Variants in FAM135B observed in about 807,000 individuals in gnomAD.
FAM135B encodes family with sequence similarity 135 member B.
In FAM135B, 43 loss-of-function variants were observed where a neutral mutation model predicts 127.7. That is an observed-to-expected ratio of 0.34 (90% CI 0.26 to 0.43). The LOEUF is 0.43. FAM135B is among the 20% of genes least tolerant of loss of function. FAM135B has a pLI of 1.00. For missense variants in FAM135B, 1,558 were observed against 1,725.6 expected (o/e 0.90, Z 1.72); for synonymous variants, 670 against 665.1 (o/e 1.01, Z -0.11).
rs577707015 is a variant in FAM135B, at chr8:138,444,057, C to A, written c.-20+52614G>T. On this transcript the variant is annotated intron_variant, in intron 1 of 19. Transcript: ENST00000395297. ...ACAAAGATCAAAGAGACAAAGAAGGCCATTACATAATGGTAAAGGGATCAA... is the reference window on the plus strand; with the variant it reads ...ACAAAGATCAAAGAGACAAAGAAGGACATTACATAATGGTAAAGGGATCAA... 2.0e-5 allele frequency among the ~76,000 whole-genome samples: 3 copies of A among 152,124 alleles called. No individual in the cohort carries two copies. The South Asian group carries it at 6.2e-4, about 32-fold the overall frequency.
chr8:138,241,661 G>A lies in FAM135B; in HGVS notation c.669+1281C>T, dbSNP rs1270777891. On this transcript the variant is annotated intron_variant, in intron 7 of 19. Coordinates refer to ENST00000395297, the MANE Select transcript of FAM135B (RefSeq NM_015912.4). This position sits in a 1 kb window ranked among gnomAD's most constrained non-coding sequence, Gnocchi z 4.8. ...GAGGATAGAACACCTCTTTTGCGGG[G>A]CTGACTGGGCATGGACAGTTTATCA... Among the ~76,000 whole-genome samples, 1 of 152,158 alleles carries A rather than the reference G, an allele frequency of 6.6e-6. No individual in the cohort carries two copies. Among genetic ancestry groups the A allele is most frequent in the Non-Finnish European group, 1.5e-5 (1 of 68,020 alleles).
At chr8:138,398,251 A>G (rs1246668930) in intron 1 of FAM135B, among the ~76,000 whole-genome samples, 1 of 152,198 alleles carries the variant, frequency 6.6e-6, no homozygotes, top group Non-Finnish European at 1.5e-5. Context: ...TGACCCCCAG[A>G]GGGGCTCATT....
intron 1 of FAM135B, among the ~76,000 whole-genome samples, chr8:138,397,344 C>G (rs781653359): frequency 6.6e-6 from 1 of 152,152 alleles, no homozygotes; most frequent in Non-Finnish European, 1.5e-5. Context: ...TGGGTAAGCC[C>G]AGGGCCATGG....
rs1166235927 is a variant in FAM135B at position 138,142,285 on chromosome 8, C to CTTTTTTTTTTTTTTTTTTTTT, written c.3638+726_3638+727insAAAAAAAAAAAAAAAAAAAAA. ...TTGGGGTGGGCAACTCATTCTGCTT[C>CTTTTTTTTTTTTTTTTTTTTT]TTCTTTTTTTTTTTTTTTTTTTTTT... On this transcript the variant is annotated intron_variant, in intron 16 of 19. Coordinates refer to ENST00000395297, the MANE Select transcript of FAM135B (RefSeq NM_015912.4). Among the ~76,000 whole-genome samples the CTTTTTTTTTTTTTTTTTTTTT allele has an allele frequency of 3.0e-5, 3 of 99,934 alleles. 1 individual carries two copies. Among genetic ancestry groups the CTTTTTTTTTTTTTTTTTTTTT allele is most frequent in the South Asian group, 7.3e-4 (2 of 2,756 alleles). 65.6% of individuals were successfully genotyped at this position (99,934 alleles called of 152,430 possible).
intron 3 of FAM135B, among the ~76,000 whole-genome samples, chr8:138,307,340 G>A (rs529903466): frequency 3.1e-4 from 47 of 152,216 alleles, no homozygotes; most frequent in Admixed American, 5.2e-4. Context: ...TTCCCCACCC[G>A]TGCAGAACTA....
intron 1 of FAM135B, among the ~76,000 whole-genome samples, chr8:138,482,905 C>T (rs1814840782): frequency 6.6e-6 from 1 of 152,088 alleles, no homozygotes; most frequent in Non-Finnish European, 1.5e-5. Context: ...ACTATTTTAG[C>T]TTCCATCCAC....
intron 1 of FAM135B, among the ~76,000 whole-genome samples, chr8:138,449,520 C>T (rs1167685969): frequency 6.6e-6 from 1 of 152,100 alleles, no homozygotes; most frequent in African/African-American, 2.4e-5. Context: ...GGGTGGTCAT[C>T]TAAGTGGAAA....
intron 12 of FAM135B, among the ~76,000 whole-genome samples, chr8:138,156,813 C>T (rs1159315020): frequency 6.6e-6 from 1 of 152,102 alleles, no homozygotes; most frequent in Non-Finnish European, 1.5e-5. Context: ...TAATAGCCTA[C>T]CAACCAAAAA....
chr8:138,293,378 T>C lies in FAM135B; in HGVS notation c.157+17463A>G, dbSNP rs190365732. On this transcript the variant is annotated intron_variant, in intron 3 of 19. Coordinates refer to ENST00000395297, the MANE Select transcript of FAM135B (RefSeq NM_015912.4). ...TGACAAAGAACCCAAACACAAATGT[T>C]ACAAAAACAAAGATAAATAGATGAG... Among the ~76,000 whole-genome samples the C allele has an allele frequency of 6.4e-3, 973 of 152,006 alleles. 9 individuals carry two copies. The highest frequency in any genetic ancestry group is 0.021 in the South Asian group (103 of 4,812).
At chr8:138,205,040 T>G (rs1817449951) in intron 7 of FAM135B, among the ~76,000 whole-genome samples, 1 of 152,230 alleles carries the variant, frequency 6.6e-6, no homozygotes, top group Admixed American at 6.5e-5. Flanking sequence ...CCTGGATTCC[T>G]CTTCTTGGTG....
At chr8:138,173,261 T>C (rs560674520) in intron 11 of FAM135B, among the ~76,000 whole-genome samples, 3 of 152,302 alleles carry the variant, frequency 2.0e-5, no homozygotes, top group Admixed American at 6.5e-5. Flanking sequence ...TAACCCTGAC[T>C]CCAGGAATAC....
chr8:138,228,052 T>C (rs546897618), intron 7 of FAM135B, among the ~76,000 whole-genome samples: 1 of 152,322 alleles, frequency 6.6e-6, no homozygotes, highest in African/African-American at 2.4e-5. Flanking sequence ...TTCTGAGCCA[T>C]GCATGTGACT....
At chr8:138,348,881 G>A (rs369227054) in intron 2 of FAM135B, among the ~76,000 whole-genome samples, 1 of 152,232 alleles carries the variant, frequency 6.6e-6, no homozygotes, top group South Asian at 2.1e-4. Flanking sequence ...GAGTGCCCAG[G>A]TTTGTCAACA....
intron 7 of FAM135B, among the ~76,000 whole-genome samples, chr8:138,216,967 C>T (rs1397561153): frequency 2.6e-5 from 4 of 152,150 alleles, no homozygotes; most frequent in Admixed American, 1.3e-4. Context: ...TATGGTTATG[C>T]GACTTTGGTC....
intron 7 of FAM135B, among the ~76,000 whole-genome samples, chr8:138,220,484 G>A (rs1248694060): frequency 1.3e-5 from 2 of 152,144 alleles, no homozygotes; most frequent in Non-Finnish European, 2.9e-5. Flanking sequence ...CTGGTTCCTT[G>A]ACCTTTCTGG....
chr8:138,435,089 C>T (rs574662282), intron 1 of FAM135B, among the ~76,000 whole-genome samples: 9 of 152,082 alleles, frequency 5.9e-5, no homozygotes, highest in Non-Finnish European at 7.4e-5. Context: ...GGGTGGATCA[C>T]GAGGTCAGGA....
At chr8:138,357,675 AAAC>A (rs972564958) in intron 2 of FAM135B, among the ~76,000 whole-genome samples, 9 of 152,290 alleles carry the variant, frequency 5.9e-5, no homozygotes, top group Non-Finnish European at 1.0e-4. Flanking sequence ...TGGGAAAAAA[AAAC>A]AAGAGCAGTG....
intron 1 of FAM135B, among the ~76,000 whole-genome samples, chr8:138,448,050 A>G (rs1348108643): frequency 1.3e-5 from 2 of 151,684 alleles, no homozygotes; most frequent in African/African-American, 2.4e-5. Context: ...TAATCTAAGG[A>G]AAAAAAATAA....
intron 19 of FAM135B, among the ~76,000 whole-genome samples, chr8:138,133,995 G>A (rs1816419980): frequency 6.6e-6 from 1 of 152,108 alleles, no homozygotes; most frequent in Admixed American, 6.5e-5. Context: ...AAGAATTTGG[G>A]GTTAAAACAA....
Sources: allele counts gnomAD v4.1 joint callset (sites outside exome capture counted in the v4.1 genomes callset), GRCh38; gene constraint gnomAD v4.1.1; non-coding constraint Gnocchi (gnomAD v3.1); transcripts MANE v1.5; gene names NCBI Gene and HGNC (gene_info 2026-07-23, HGNC 2026-07-21).